LMO3: variants seen among roughly 807,000 people sequenced by gnomAD.
LMO3 encodes LIM domain only protein 3.
Under a neutral mutation model 15.8 loss-of-function variants are expected in LMO3, and 2 were observed. The observed-to-expected ratio is 0.13, with a 90% CI of 0.05 to 0.40. The LOEUF is 0.40. LMO3 is among the 10% of genes least tolerant of loss of function. The pLI is 0.99. For synonymous variants in LMO3, 62 were observed against 63.8 expected (o/e 0.97, Z 0.13); for missense variants, 86 against 182.2 (o/e 0.47, Z 3.04).
intron 2 of LMO3, among the ~76,000 whole-genome samples, chr12:16,588,508 G>C (rs1163139321): frequency 6.6e-6 from 1 of 152,002 alleles, no homozygotes; most frequent in Non-Finnish European, 1.5e-5. Flanking sequence ...AGGTAAAACA[G>C]GGAGAGCATG....
chr12:16,600,473 G>A, intron 2 of LMO3, 182 bp downstream of exon 2: 1 of 598,704 alleles, frequency 1.7e-6, no homozygotes, highest in Non-Finnish European at 3.0e-6. Flanking sequence ...GTGGTTTGTT[G>A]GCTATTCCTT....
chr12:16,601,716 A>G (rs1440564442), intron 1 of LMO3: 3 of 152,190 alleles, frequency 2.0e-5, no homozygotes, highest in Non-Finnish European at 4.4e-5. Context: ...GTAAATATAT[A>G]CATGTTATAT....
chr12:16,595,591 C>T (rs1326030953), intron 2 of LMO3, among the ~76,000 whole-genome samples: 3 of 150,998 alleles, frequency 2.0e-5, no homozygotes, highest in Non-Finnish European at 3.0e-5. Context: ...GCTTCTTCTA[C>T]AATAAAGGGA....
At chr12:16,568,984 A>T (rs1942716980) in intron 2 of LMO3, among the ~76,000 whole-genome samples, 1 of 152,246 alleles carries the variant, frequency 6.6e-6, no homozygotes, top group Admixed American at 6.5e-5. Flanking sequence ...GTATGCTAAT[A>T]GTGTGAATCA....
chr12:16,601,539 A>G (rs952402388), intron 1 of LMO3, among the ~76,000 whole-genome samples: 8 of 152,238 alleles, frequency 5.3e-5, no homozygotes, highest in South Asian at 2.1e-4. Context: ...CAGCACCTAT[A>G]TTAATGGCAG....
At chr12:16,554,018 A>G (rs1255977964) in intron 3 of LMO3, among the ~76,000 whole-genome samples, 1 of 152,126 alleles carries the variant, frequency 6.6e-6, no homozygotes, top group Non-Finnish European at 1.5e-5. Flanking sequence ...TTTTACCCTC[A>G]TTTAAAAAAA....
intron 2 of LMO3, among the ~76,000 whole-genome samples, chr12:16,569,497 A>G (rs1942735062): frequency 6.6e-6 from 1 of 152,080 alleles, no homozygotes; most frequent in Non-Finnish European, 1.5e-5. Context: ...TCTCATACCC[A>G]TTTTCCAAAG....
chr12:16,605,200 C>T, intron 1 of LMO3: 1 of 1,330,142 alleles, frequency 7.5e-7, no homozygotes, highest in Non-Finnish European at 9.6e-7. Context: ...ATCCCAGCGG[C>T]CCCTTTTAGC....
At chr12:16,607,396 T>A (rs1365060785), upstream of LMO3, 5 of 151,878 alleles carry the variant, frequency 3.3e-5, no homozygotes, top group Non-Finnish European at 7.4e-5. Flanking sequence ...CATTACTGCT[T>A]TGTCTTCACA....
At chr12:16,609,075 T>G (rs1944080190), upstream of LMO3, 2 of 152,168 alleles carry the variant, frequency 1.3e-5, no homozygotes. Flanking sequence ...CTCTTCATAA[T>G]CATATGAATT....
At chr12:16,579,593 A>C (rs1428002475) in intron 2 of LMO3, among the ~76,000 whole-genome samples, 1 of 152,228 alleles carries the variant, frequency 6.6e-6, no homozygotes, top group Non-Finnish European at 1.5e-5. Context: ...AATGGCTCTA[A>C]GTAAAGAAAG....
chr12:16,571,230 G>T (rs1198324632), intron 2 of LMO3, among the ~76,000 whole-genome samples: 10 of 152,184 alleles, frequency 6.6e-5, no homozygotes, highest in Non-Finnish European at 1.5e-4. Context: ...TGTTATCACA[G>T]ATATTCATCC....
Position 16,591,775 on chromosome 12 carries a change from A to G in LMO3, c.206+8880T>C, listed in dbSNP as rs779544742. Among the ~76,000 whole-genome samples the G allele has an allele frequency of 2.0e-5, 3 of 152,094 alleles. No homozygotes were observed. Among genetic ancestry groups the G allele is most frequent in the Non-Finnish European group, 4.4e-5 (3 of 67,982 alleles). On this transcript the variant is annotated intron_variant, in intron 2 of 3. Transcript: ENST00000537304. The surrounding 1 kb of genome is among the most constrained non-coding windows in gnomAD (Gnocchi z 4.1). ...GCTAAGTCTGTCTTGCTCTGCACCC[A>G]AAATATAACCCGTGAAGCTCAAAGC...
In LMO3 at chr12:16,560,317, T is replaced by G. The variant is rs1942353985; in HGVS notation, c.332+96A>C. 7.6e-7 allele frequency: 1 copy of G among 1,315,344 alleles called. No individual in the cohort carries two copies. Among genetic ancestry groups the G allele is most frequent in the Admixed American group, 2.3e-5 (1 of 43,344 alleles). 81.5% of individuals were successfully genotyped at this position (1,315,344 alleles called of 1,614,324 possible). A position where few individuals can be genotyped will look rare whatever the true frequency, so the allele number is the denominator to read the frequency against. On this transcript the variant is annotated intron_variant, in intron 3 of 3. Coordinates refer to ENST00000537304, the MANE Select transcript of LMO3 (RefSeq NM_018640.5). The surrounding 1 kb of genome is among the most constrained non-coding windows in gnomAD (Gnocchi z 5.0). ...AGAACAGAAAAACGCTGAGATTGAT[T>G]GCTTTAAATGTATGAATATAATTTC...
chr12:16,552,919 T>C (rs1776265049), intron 3 of LMO3, among the ~76,000 whole-genome samples: 1 of 149,844 alleles, frequency 6.7e-6, no homozygotes, highest in Non-Finnish European at 1.5e-5. Flanking sequence ...AGAGGTATAC[T>C]GCAACCAGTA....
At chr12:16,561,114 C>T (rs1206649266) in intron 2 of LMO3, among the ~76,000 whole-genome samples, 2 of 152,022 alleles carry the variant, frequency 1.3e-5, no homozygotes, top group Non-Finnish European at 2.9e-5. Flanking sequence ...GTAAATGAGG[C>T]TGTAAACTAT....
At chr12:16,583,166 C>T (rs543766154) in intron 2 of LMO3, among the ~76,000 whole-genome samples, 5 of 152,054 alleles carry the variant, frequency 3.3e-5, no homozygotes, top group South Asian at 2.1e-4. Flanking sequence ...AAGATGATCC[C>T]GGATAAAATG....
chr12:16,570,054 T>C (rs1242968090), intron 2 of LMO3, among the ~76,000 whole-genome samples: 1 of 152,184 alleles, frequency 6.6e-6, no homozygotes, highest in Non-Finnish European at 1.5e-5. Context: ...TCCCTTGATA[T>C]AGCTCAGGAA....
intron 2 of LMO3, among the ~76,000 whole-genome samples, chr12:16,579,012 C>T (rs1205289851): frequency 6.6e-6 from 1 of 152,164 alleles, no homozygotes; most frequent in African/African-American, 2.4e-5. Context: ...CATTTGTACA[C>T]ACTCTTGACA....
Sources: allele counts gnomAD v4.1 joint callset (sites outside exome capture counted in the v4.1 genomes callset), GRCh38; gene constraint gnomAD v4.1.1; non-coding constraint Gnocchi (gnomAD v3.1); transcripts MANE v1.5; gene names NCBI Gene and HGNC (gene_info 2026-07-23, HGNC 2026-07-21).